The following ZNF469 variants were observed in gnomAD, a reference collection of about 807,000 sequenced individuals.
ZNF469 encodes zinc finger protein 469.
A neutral mutation model predicts 1.0 loss-of-function variants in ZNF469; 1 was observed. The ratio of observed to expected loss-of-function variants is 1.00; its 90% confidence interval spans 0.35 to 4.73. The LOEUF is 4.73. Among genes scored for constraint, ZNF469 ranks in the 30% most tolerant of loss-of-function variants. The pLI, the probability that ZNF469 is intolerant of heterozygous loss-of-function variation, is 0.16. For synonymous variants in ZNF469, 2,703 were observed against 2,363.4 expected (o/e 1.14, Z -4.17); for missense variants, 6,100 against 5,356.3 (o/e 1.14, Z -4.33).
At chr16:88,312,211 C>T in the ZNF469 span, among the ~76,000 whole-genome samples, 1 of 152,172 alleles carries the variant, frequency 6.6e-6, no homozygotes, top group East Asian at 1.9e-4. Flanking sequence ...TGGTCCCTCC[C>T]ACAACACAAG....
the ZNF469 span, among the ~76,000 whole-genome samples, chr16:88,307,359 C>T: frequency 6.6e-6 from 1 of 152,260 alleles, no homozygotes; most frequent in South Asian, 2.1e-4. Context: ...TCCCCAGCTA[C>T]AAGCAGCATT....
At chr16:88,268,433 C>T in the ZNF469 span, among the ~76,000 whole-genome samples, 1 of 152,206 alleles carries the variant, frequency 6.6e-6, no homozygotes, top group Admixed American at 6.5e-5. Context: ...CCCAGGGCCT[C>T]CTCTCAACTG....
At chr16:88,290,628 A>G in the ZNF469 span, among the ~76,000 whole-genome samples, 4 of 152,222 alleles carry the variant, frequency 2.6e-5, no homozygotes, top group African/African-American at 9.7e-5. Context: ...TTCTGCATTA[A>G]GTAGAATTAC....
chr16:88,304,945 C>G, the ZNF469 span, among the ~76,000 whole-genome samples: 1 of 152,106 alleles, frequency 6.6e-6, no homozygotes, highest in Non-Finnish European at 1.5e-5. Context: ...GAATCCTGGG[C>G]TCTTAAAGCC....
chr16:88,332,887 GGC>G, the ZNF469 span, among the ~76,000 whole-genome samples: 1 of 152,190 alleles, frequency 6.6e-6, no homozygotes, highest in African/African-American at 2.4e-5. Context: ...CTTGAGTCTG[GGC>G]ACTGGAGACC....
At chr16:88,283,585 A>T in the ZNF469 span, among the ~76,000 whole-genome samples, 1 of 152,144 alleles carries the variant, frequency 6.6e-6, no homozygotes, top group East Asian at 1.9e-4. Flanking sequence ...CTGGGAAAAA[A>T]TTCTAGGTGG....
At position 88,437,162 on chromosome 16, in the gene ZNF469, T is replaced by A. The variant is rs1665657600; in HGVS notation, c.9692T>A (p.Ile3231Asn). 1 of 1,549,258 alleles carries A rather than the reference T, an allele frequency of 6.5e-7. No individual in the cohort carries two copies. Among genetic ancestry groups the A allele is most frequent in the Non-Finnish European group, 8.7e-7 (1 of 1,146,570 alleles). Residue 3231 changes from isoleucine to asparagine, a missense_variant, in exon 3 of 3, where the codon ATC (isoleucine) becomes AAC (asparagine). Physicochemically the swap from Ile to Asn is moderately radical, Grantham distance 149. Coordinates refer to ENST00000565624, the MANE Select transcript of ZNF469 (RefSeq NM_001367624.2). ...GCTGTCGCCCACCTTCTGAACAGCA[T>A]CACGGAACCCGCGCCCAAACACCAC... Reference protein sequence around the residue: ...SSAVAHLLNSITEPAPKHHRG... With the variant: ...SSAVAHLLNSNTEPAPKHHRG...
At chr16:88,381,016 T>TCA (rs201537409), upstream of ZNF469, among the ~76,000 whole-genome samples, 1 of 82,896 alleles carries the variant, frequency 1.2e-5, no homozygotes, top group African/African-American at 4.9e-5. Flanking sequence ...ACACATGCGC[T>TCA]CACAGACATG....
chr16:88,140,448 A>ATGTAGAAAT, the ZNF469 span, among the ~76,000 whole-genome samples: 1 of 133,216 alleles, frequency 7.5e-6, no homozygotes, highest in African/African-American at 4.2e-5. Context: ...GGACGGAGCC[A>ATGTAGAAAT]CGTAGAAATC....
chr16:88,152,205 G>GA, the ZNF469 span, among the ~76,000 whole-genome samples: 8 of 152,174 alleles, frequency 5.3e-5, no homozygotes, highest in East Asian at 1.9e-4. The surrounding 1 kb of genome is among the most constrained non-coding windows in gnomAD (Gnocchi z 4.2). Context: ...TAAATGTGTT[G>GA]AAAAAATCAC....
rs188162391 is a variant in ZNF469 at position 88,432,051 on chromosome 16, G to A, written c.4581G>A (p.Thr1527=). 7.7e-5 allele frequency: 120 copies of A among 1,550,474 alleles called. No homozygotes were observed. The African/African-American group carries it at 7.9e-4, about 10-fold the overall frequency. The change falls in exon 3 of 3, where the codon ACG becomes ACA. Residue 1527 remains threonine, a synonymous_variant. Transcript: ENST00000565624. ...CGGGGGGAAAGGTGCTCAGTAAGACGTGTCCCCCTGAACGGACAGTGGTTC... is the reference window on the plus strand; with the variant it reads ...CGGGGGGAAAGGTGCTCAGTAAGACATGTCCCCCTGAACGGACAGTGGTTC... ...DLSGGKVLSK[T]CPPERTVVPG...
upstream of ZNF469, among the ~76,000 whole-genome samples, chr16:88,380,660 C>T (rs574099909): frequency 2.6e-3 from 368 of 141,500 alleles, 1 homozygote; most frequent in South Asian, 0.014. Flanking sequence ...CACACACAGA[C>T]ACGCCCTCAC....
the ZNF469 span, among the ~76,000 whole-genome samples, chr16:88,157,753 C>T: frequency 0.023 from 3,561 of 152,226 alleles, 153 homozygotes; most frequent in African/African-American, 0.081. Context: ...GCCCCCATCC[C>T]GAGTCTGGGT....
chr16:88,381,975 T>C (rs2092526391), upstream of ZNF469, among the ~76,000 whole-genome samples: 1 of 152,268 alleles, frequency 6.6e-6, no homozygotes, highest in African/African-American at 2.4e-5. Context: ...TGAACTTGCG[T>C]AAGTAAAGCG....
At chr16:88,296,033 G>A in the ZNF469 span, among the ~76,000 whole-genome samples, 3 of 152,192 alleles carry the variant, frequency 2.0e-5, no homozygotes, top group South Asian at 2.1e-4. Context: ...TCGGGCTCTC[G>A]GCTCTGCAGA....
the ZNF469 span, among the ~76,000 whole-genome samples, chr16:88,292,892 C>T: frequency 6.6e-6 from 1 of 151,558 alleles, no homozygotes; most frequent in African/African-American, 2.4e-5. Context: ...CTTTATCGGA[C>T]ACTGGTCCGC....
chr16:88,276,354 A>T, the ZNF469 span: 1 of 152,254 alleles, frequency 6.6e-6, no homozygotes, highest in Non-Finnish European at 1.5e-5. Context: ...AAGCGCCATC[A>T]AGCTGGCCCC....
At chr16:88,158,682 C>T in the ZNF469 span, among the ~76,000 whole-genome samples, 1 of 152,210 alleles carries the variant, frequency 6.6e-6, no homozygotes, top group African/African-American at 2.4e-5. Context: ...GCCACCGCTG[C>T]CCCTCTGCTG....
At chr16:88,191,986 T>G in the ZNF469 span, among the ~76,000 whole-genome samples, 4 of 152,132 alleles carry the variant, frequency 2.6e-5, no homozygotes, top group African/African-American at 9.7e-5. Flanking sequence ...GTGATTAAGT[T>G]TAGATGAGGC....
Sources: allele counts gnomAD v4.1 joint callset (sites outside exome capture counted in the v4.1 genomes callset), GRCh38; gene constraint gnomAD v4.1.1; non-coding constraint Gnocchi (gnomAD v3.1); transcripts MANE v1.5; gene names NCBI Gene and HGNC (gene_info 2026-07-23, HGNC 2026-07-21).